The following SLC45A4 variants were observed in gnomAD, a reference collection of about 807,000 sequenced individuals.
SLC45A4 encodes solute carrier family 45 member 4, also known as polyamine-transporter SLC45A4.
In SLC45A4, 32 loss-of-function variants were observed where a neutral mutation model predicts 63.7. The observed-to-expected ratio is 0.50, with a 90% CI of 0.38 to 0.67. The LOEUF is 0.67. SLC45A4 is among the 30% of genes least tolerant of loss of function. SLC45A4 has a pLI of 0.00. For missense variants in SLC45A4, 1,027 were observed against 1,157.7 expected (o/e 0.89, Z 1.64); for synonymous variants, 535 against 510.0 (o/e 1.05, Z -0.66).
At chr8:141,285,292 T>G (rs1432667610) in intron 1 of SLC45A4, among the ~76,000 whole-genome samples, 1 of 152,240 alleles carries the variant, frequency 6.6e-6, no homozygotes, top group African/African-American at 2.4e-5. Context: ...GCCTCATGGC[T>G]TCCTTCACTG....
chr8:141,228,298 G>A (rs1199068126), intron 2 of SLC45A4: 6 of 1,609,306 alleles, frequency 3.7e-6, no homozygotes, highest in Admixed American at 3.3e-5. Flanking sequence ...CCTGTGCCAG[G>A]CACCTCCCAG....
At chr8:141,282,262 C>T (rs529014189) in intron 1 of SLC45A4, among the ~76,000 whole-genome samples, 7 of 152,332 alleles carry the variant, frequency 4.6e-5, no homozygotes, top group Admixed American at 1.3e-4. Flanking sequence ...GACAATGACA[C>T]GTGAGCAGAG....
chr8:141,220,299 C>T (rs907288205), intron 3 of SLC45A4, among the ~76,000 whole-genome samples: 3 of 152,106 alleles, frequency 2.0e-5, no homozygotes, highest in Non-Finnish European at 4.4e-5. Flanking sequence ...TCTCGCTGGG[C>T]CTGCTCTAGG....
At chr8:141,214,092 C>T (rs1324624626) in intron 7 of SLC45A4, among the ~76,000 whole-genome samples, 1 of 151,360 alleles carries the variant, frequency 6.6e-6, no homozygotes, top group African/African-American at 2.4e-5. Flanking sequence ...CCTGTAGTTC[C>T]AGCTACTCGG....
At position 141,252,731 on chromosome 8, in the gene SLC45A4, C is replaced by T. The variant is rs1161788314; in HGVS notation, c.241+1258G>A. ...CGCCCACCTGCGTGTCTGTGAATTTCCGTGTTTTCATGCCCACCTGCGTCT... is the reference window on the plus strand; with the variant it reads ...CGCCCACCTGCGTGTCTGTGAATTTTCGTGTTTTCATGCCCACCTGCGTCT... On this transcript the variant is annotated intron_variant, in intron 2 of 8. Coordinates refer to ENST00000517878, the MANE Select transcript of SLC45A4 (RefSeq NM_001286646.2). Among the ~76,000 whole-genome samples the T allele has an allele frequency of 3.4e-5, 4 of 117,286 alleles. 1 individual carries two copies. Among genetic ancestry groups the T allele is most frequent in the South Asian group, 2.7e-4 (1 of 3,768 alleles). The allele number at this position is 117,286 out of a possible 152,430, so 76.9% of individuals were successfully genotyped here.
intron 1 of SLC45A4, among the ~76,000 whole-genome samples, chr8:141,306,213 C>T (rs1212654618): frequency 6.6e-6 from 1 of 152,220 alleles, no homozygotes; most frequent in African/African-American, 2.4e-5. Context: ...TCCCCACTCC[C>T]CGCCCTGTGA....
intron 1 of SLC45A4, among the ~76,000 whole-genome samples, chr8:141,303,113 T>C (rs1490675865): frequency 6.7e-6 from 1 of 149,980 alleles, no homozygotes; most frequent in Non-Finnish European, 1.5e-5. Context: ...TCCTCCCGCC[T>C]CAGCCTCTCG....
intron 2 of SLC45A4, among the ~76,000 whole-genome samples, chr8:141,234,259 A>G (rs1827508170): frequency 6.6e-6 from 1 of 152,254 alleles, no homozygotes; most frequent in East Asian, 1.9e-4. Flanking sequence ...TCCAATTCAC[A>G]TTCTTCATTC....
chr8:141,294,570 C>T (rs1830473401), intron 1 of SLC45A4, among the ~76,000 whole-genome samples: 1 of 152,244 alleles, frequency 6.6e-6, no homozygotes, highest in South Asian at 2.1e-4. Flanking sequence ...GGTCCCCTCA[C>T]AGCCAGTTCC....
At chr8:141,257,492 A>C (rs577172472) in intron 1 of SLC45A4, among the ~76,000 whole-genome samples, 3 of 152,374 alleles carry the variant, frequency 2.0e-5, no homozygotes, top group African/African-American at 7.2e-5. Context: ...TATAAACATC[A>C]GACCCTTCAT....
chr8:141,268,990 G>T (rs1057238375), intron 1 of SLC45A4, among the ~76,000 whole-genome samples: 1 of 152,188 alleles, frequency 6.6e-6, no homozygotes, highest in Non-Finnish European at 1.5e-5. Flanking sequence ...AACACTCAGC[G>T]CCTCACGTGG....
intron 2 of SLC45A4, among the ~76,000 whole-genome samples, chr8:141,237,284 C>T (rs1569558464): frequency 6.6e-6 from 1 of 152,150 alleles, no homozygotes; most frequent in Non-Finnish European, 1.5e-5. Flanking sequence ...TCGTCCTTCC[C>T]TGCCTGAAAC....
rs149315659 is a variant in SLC45A4, at chr8:141,306,260, G to A, written c.-401+1836C>T. On this transcript the variant is annotated intron_variant, in intron 1 of 8. Transcript: ENST00000517878. Reference sequence around the variant, plus strand: ...AAAAAAACACACCTTTAAATACCCAGTGTGTATTTCAAACACATTTCAAAC... The same window carrying A: ...AAAAAAACACACCTTTAAATACCCAATGTGTATTTCAAACACATTTCAAAC... Among the ~76,000 whole-genome samples the A allele has an allele frequency of 1.0e-3, 153 of 152,308 alleles. 2 individuals carry two copies. In the Middle Eastern group the frequency reaches 0.044, roughly 44 times the overall value.
In SLC45A4 at chr8:141,254,316, T is replaced by G; in HGVS notation, c.-87A>C. On this transcript the variant is annotated 5_prime_UTR_variant, in exon 2 of 9. Transcript: ENST00000517878. This position sits in a 1 kb window ranked among gnomAD's most constrained non-coding sequence, Gnocchi z 4.5. Reference sequence around the variant, plus strand: ...ATCTGTAATGATAAATTAAGACGTCTTCTCTTTCTGCTTCTGCTGTGTTCC... The same window carrying G: ...ATCTGTAATGATAAATTAAGACGTCGTCTCTTTCTGCTTCTGCTGTGTTCC... The G allele has an allele frequency of 5.2e-6, 7 of 1,334,996 alleles. No homozygotes were observed. Among genetic ancestry groups the G allele is most frequent in the Non-Finnish European group, 6.0e-6 (6 of 1,007,208 alleles). 82.7% of individuals were successfully genotyped at this position (1,334,996 alleles called of 1,614,324 possible).
rs775831890 is a variant in SLC45A4 at position 141,212,412 on chromosome 8, G to A, written c.2086C>T (p.Pro696Ser). 3.1e-6 allele frequency: 5 copies of A among 1,613,642 alleles called. No homozygotes were observed. In the African/African-American group the frequency reaches 4.0e-5, roughly 13 times the overall value. ...AAAGAGCCCACAGAGGCCACCATGG[G>A]GATGACGCGGACAGTCCCCACGGCG... is the stretch of plus-strand genomic sequence containing the variant. ...VDAVGTVRVI[P>S]MVASVGSFLG... is the part of the protein sequence containing the mutation. The change falls in exon 8 of 9, where the codon CCC becomes TCC. Residue 696 changes from proline (P) to serine (S), a missense_variant. Coordinates refer to ENST00000517878, the MANE Select transcript of SLC45A4 (RefSeq NM_001286646.2).
rs1230316607 is a variant in SLC45A4 at position 141,208,463 on chromosome 8, G to GGAA, written c.*3108_*3109insTTC. On this transcript the variant is annotated 3_prime_UTR_variant, in exon 9 of 9. Coordinates refer to ENST00000517878, the MANE Select transcript of SLC45A4 (RefSeq NM_001286646.2). The stretch of plus-strand genomic sequence containing the variant: ...GGGGCATTCAAGAAACACTCCTGAT[G>GGAA]GCTGTTGGAAGCCACTAACCATCTG... The GGAA allele has an allele frequency of 6.6e-6, 1 of 152,242 alleles. No homozygotes were observed. Among genetic ancestry groups the GGAA allele is most frequent in the Non-Finnish European group, 1.5e-5 (1 of 68,122 alleles). 9.4% of individuals were successfully genotyped at this position (152,242 alleles called of 1,614,324 possible). A position where few individuals can be genotyped will look rare whatever the true frequency, so the allele number is the denominator to read the frequency against.
chr8:141,240,033 G>T (rs116888424), intron 2 of SLC45A4, among the ~76,000 whole-genome samples: 1,757 of 152,324 alleles, frequency 0.012, 21 homozygotes, highest in Middle Eastern at 0.037. Flanking sequence ...ACAACAAACC[G>T]TATCCTAGGA....
At chr8:141,290,003 C>T (rs1379476166) in intron 1 of SLC45A4, among the ~76,000 whole-genome samples, 1 of 152,026 alleles carries the variant, frequency 6.6e-6, no homozygotes, top group Non-Finnish European at 1.5e-5. Flanking sequence ...ACTCCAACAC[C>T]CAGACATCGC....
intron 1 of SLC45A4, among the ~76,000 whole-genome samples, chr8:141,293,572 T>C (rs1830434370): frequency 6.6e-6 from 1 of 152,068 alleles, no homozygotes; most frequent in African/African-American, 2.4e-5. Flanking sequence ...TAGCTTAGAG[T>C]GTTGGGACAA....
Sources: gnomAD v4.1 joint callset for allele counts (sites outside exome capture counted in the v4.1 genomes callset) on GRCh38, gnomAD v4.1.1 for gene constraint, Gnocchi (gnomAD v3.1) non-coding constraint, MANE v1.5 for transcripts, NCBI Gene and HGNC (gene_info 2026-07-23, HGNC 2026-07-21) for gene names.